TPD52L1: variants seen among roughly 807,000 people sequenced by gnomAD.
TPD52L1 encodes tumor protein D53.
In TPD52L1, 18 loss-of-function variants were observed where a neutral mutation model predicts 28.7. The ratio of observed to expected loss-of-function variants is 0.63; its 90% CI spans 0.43 to 0.93. The LOEUF is 0.93. Ranked by LOEUF, TPD52L1 falls within the 40% of genes least tolerant of loss-of-function variation. TPD52L1 has a pLI of 0.00. For synonymous variants in TPD52L1, 75 were observed against 88.8 expected (o/e 0.84, Z 0.88); for missense variants, 203 against 254.8 (o/e 0.80, Z 1.39).
chr6:125,243,753 TTGTATCTCCTTGAGTAGCACAATTC>T (rs1796757609), intron 3 of TPD52L1, among the ~76,000 whole-genome samples: 2 of 152,262 alleles, frequency 1.3e-5, no homozygotes, highest in South Asian at 4.1e-4. Flanking sequence ...TACCTTTCTC[TTGTATCTCCTTGAGTAGCACAATTC>T]TGAATTCTTT....
chr6:125,206,339 C>T (rs888154175), intron 1 of TPD52L1, among the ~76,000 whole-genome samples: 8 of 151,324 alleles, frequency 5.3e-5, no homozygotes, highest in African/African-American at 1.9e-4. Flanking sequence ...GTCATTTATA[C>T]TGTATATAGT....
At chr6:125,196,428 G>A (rs1290851539) in intron 1 of TPD52L1, among the ~76,000 whole-genome samples, 1 of 152,128 alleles carries the variant, frequency 6.6e-6, no homozygotes, top group Non-Finnish European at 1.5e-5. Flanking sequence ...ACAACTTTTG[G>A]CATGTGCCCT....
At chr6:125,243,557 A>T (rs1179506288) in intron 3 of TPD52L1, among the ~76,000 whole-genome samples, 2 of 151,866 alleles carry the variant, frequency 1.3e-5, no homozygotes, top group Non-Finnish European at 2.9e-5. Context: ...TTGACCTCTG[A>T]AGTTTTTTTC....
chr6:125,226,127 T>G (rs371191663), intron 2 of TPD52L1, among the ~76,000 whole-genome samples: 1 of 152,338 alleles, frequency 6.6e-6, no homozygotes, highest in African/African-American at 2.4e-5. Context: ...CTTTTGCGAT[T>G]AGTTTTTGGC....
chr6:125,220,037 A>G, intron 1 of TPD52L1, 41 bp from the exon 2 acceptor site: 1 of 1,445,074 alleles, frequency 6.9e-7, no homozygotes. Context: ...GTTTAAATTC[A>G]CTTTAAAAAT....
intron 1 of TPD52L1, among the ~76,000 whole-genome samples, chr6:125,192,536 C>T (rs1253418832): frequency 6.6e-6 from 1 of 151,902 alleles, no homozygotes; most frequent in African/African-American, 2.4e-5. Flanking sequence ...TTTATCTGCC[C>T]GCAAGTCCTG....
At chr6:125,212,429 G>C (rs1239129605) in intron 1 of TPD52L1, among the ~76,000 whole-genome samples, 1 of 152,156 alleles carries the variant, frequency 6.6e-6, no homozygotes, top group Non-Finnish European at 1.5e-5. Flanking sequence ...ATCATAGTTT[G>C]TAATCATTTT....
chr6:125,172,497 T>G (rs1791476926), intron 1 of TPD52L1, among the ~76,000 whole-genome samples: 2 of 89,256 alleles, frequency 2.2e-5, no homozygotes, highest in South Asian at 8.2e-4. Flanking sequence ...TTAGCAGCTA[T>G]TTCCCTCTTT....
intron 3 of TPD52L1, among the ~76,000 whole-genome samples, chr6:125,241,755 A>T (rs1291765525): frequency 6.6e-6 from 1 of 150,442 alleles, no homozygotes; most frequent in Admixed American, 6.6e-5. Context: ...AATTTTGTTT[A>T]TCTTTTTGAA....
At chr6:125,243,439 T>C (rs531887326) in intron 3 of TPD52L1, among the ~76,000 whole-genome samples, 1 of 152,138 alleles carries the variant, frequency 6.6e-6, no homozygotes, top group African/African-American at 2.4e-5. Flanking sequence ...GAAACAGCAA[T>C]TATTCTTAGG....
At chr6:125,172,076 CTTTCTCTT>C (rs1231077350) in intron 1 of TPD52L1, among the ~76,000 whole-genome samples, 91 of 122,756 alleles carry the variant, frequency 7.4e-4, no homozygotes, top group Non-Finnish European at 1.2e-3. Flanking sequence ...TTCTTTCTTT[CTTTCTCTT>C]TCTTTCTTTC....
chr6:125,154,353 G>A, intron 1 of TPD52L1: 4 of 1,036,334 alleles, frequency 3.9e-6, no homozygotes, highest in Non-Finnish European at 4.6e-6. Flanking sequence ...GAGGGAATGT[G>A]ACTCTTTTCG....
chr6:125,169,500 C>G (rs1562203544), intron 1 of TPD52L1, among the ~76,000 whole-genome samples: 1 of 152,204 alleles, frequency 6.6e-6, no homozygotes, highest in Non-Finnish European at 1.5e-5. Context: ...ATCCTCATTT[C>G]AGTTAATGAC....
chr6:125,188,553 T>C (rs969538981), intron 1 of TPD52L1, among the ~76,000 whole-genome samples: 1 of 152,216 alleles, frequency 6.6e-6, no homozygotes, highest in African/African-American at 2.4e-5. Flanking sequence ...GGTGTGTGCA[T>C]GCCTGTGTGT....
At chr6:125,221,303 C>T (rs1404091344) in intron 2 of TPD52L1, among the ~76,000 whole-genome samples, 1 of 152,156 alleles carries the variant, frequency 6.6e-6, no homozygotes, top group Non-Finnish European at 1.5e-5. Flanking sequence ...CTGCACGTAC[C>T]AGAGTGCACA....
intron 5 of TPD52L1, 98 bp from the exon 6 acceptor site, chr6:125,257,000 C>A: frequency 9.7e-7 from 1 of 1,030,240 alleles, no homozygotes; most frequent in Non-Finnish European, 1.4e-6. Context: ...AGCTCTGTGG[C>A]AGAGGCCGTG....
chr6:125,240,421 G>A (rs770058435), intron 3 of TPD52L1, among the ~76,000 whole-genome samples: 1 of 152,038 alleles, frequency 6.6e-6, no homozygotes, highest in Non-Finnish European at 1.5e-5. Context: ...TTGGCAGTAT[G>A]GTCATTTTTA....
At chr6:125,213,234 T>C (rs1363273370) in intron 1 of TPD52L1, among the ~76,000 whole-genome samples, 1 of 152,194 alleles carries the variant, frequency 6.6e-6, no homozygotes, top group East Asian at 1.9e-4. Flanking sequence ...CTTTAAATAT[T>C]ACTCATTTCC....
chr6:125,248,244 CATG>C, intron 3 of TPD52L1, 35 bp from the exon 4 acceptor site: 1 of 1,503,470 alleles, frequency 6.7e-7, no homozygotes, highest in Non-Finnish European at 9.2e-7. Context: ...TATGGGAGAT[CATG>C]ATATAAAAAC....
Sources: allele counts gnomAD v4.1 joint callset (sites outside exome capture counted in the v4.1 genomes callset), GRCh38; gene constraint gnomAD v4.1.1; transcripts MANE v1.5; gene names NCBI Gene and HGNC (gene_info 2026-07-23, HGNC 2026-07-21).